The following C3orf70 variants were observed in gnomAD, a reference collection of about 807,000 sequenced individuals.
C3orf70 encodes the protein UPF0524 protein C3orf70.
C3orf70 carries 15 observed loss-of-function variants against 20.7 expected under a neutral mutation model. The observed-to-expected ratio is 0.72, with a 90% CI of 0.48 to 1.11. The LOEUF (loss-of-function observed/expected upper bound fraction) is 1.11. C3orf70 is among the 50% of genes most tolerant of loss of function. The pLI is 0.00. For missense variants in C3orf70, 332 were observed against 317.6 expected (o/e 1.05, Z -0.34); for synonymous variants, 161 against 125.7 (o/e 1.28, Z -1.88).
At chr3:185,145,614 C>T (rs1716858374) in intron 1 of C3orf70, among the ~76,000 whole-genome samples, 1 of 152,170 alleles carries the variant, frequency 6.6e-6, no homozygotes, top group African/African-American at 2.4e-5. Flanking sequence ...TGAAATCATC[C>T]TCACTATACC....
chr3:185,131,203 C>G (rs1391833928), intron 1 of C3orf70, among the ~76,000 whole-genome samples: 2 of 152,152 alleles, frequency 1.3e-5, no homozygotes, highest in African/African-American at 4.8e-5. Flanking sequence ...TTAAATGGTG[C>G]AGTCTAAAAA....
chr3:185,146,134 T>G (rs1253837728), intron 1 of C3orf70, among the ~76,000 whole-genome samples: 2 of 151,852 alleles, frequency 1.3e-5, no homozygotes, highest in African/African-American at 4.8e-5. Flanking sequence ...ACCTATCAGC[T>G]TTCTCTATCT....
At chr3:185,130,221 C>T (rs553274623) in intron 1 of C3orf70, among the ~76,000 whole-genome samples, 11 of 152,196 alleles carry the variant, frequency 7.2e-5, no homozygotes, top group African/African-American at 1.9e-4. Context: ...GAGGCCGAGG[C>T]GGGCGGATCA....
At chr3:185,135,750 G>C (rs901583324) in intron 1 of C3orf70, among the ~76,000 whole-genome samples, 1 of 151,974 alleles carries the variant, frequency 6.6e-6, no homozygotes, top group African/African-American at 2.4e-5. Context: ...AATATCACAT[G>C]TATCCCATAA....
Position 185,083,408 on chromosome 3 carries a change from G to C in C3orf70, c.352C>G (p.Pro118Ala), listed in dbSNP as rs763103808. 1 of 1,614,130 alleles carries C rather than the reference G, an allele frequency of 6.2e-7. No individual in the cohort carries two copies. The highest frequency in any genetic ancestry group is 2.2e-5 in the East Asian group (1 of 44,880). ...ATCATACAGTACCTCGGTGAGTCAG[G>C]GGGAAGGGGAGGCTGGAAGACAGAT... ...FASVFQPPLP[P>A]DSPRYCMISD... Residue 118 changes from proline (P) to alanine (A), a missense_variant, in exon 2 of 2, where the codon CCT (proline) becomes GCT (alanine). Transcript: ENST00000335012.
intron 1 of C3orf70, among the ~76,000 whole-genome samples, chr3:185,119,058 G>A (rs1388936028): frequency 6.6e-6 from 1 of 152,052 alleles, no homozygotes; most frequent in Non-Finnish European, 1.5e-5. Context: ...TCAGAGTTTT[G>A]AAACATTTAA....
At chr3:185,097,785 G>A (rs1187445452) in intron 1 of C3orf70, among the ~76,000 whole-genome samples, 1 of 152,216 alleles carries the variant, frequency 6.6e-6, no homozygotes, top group East Asian at 1.9e-4. Flanking sequence ...GAAAAGAAAT[G>A]CTGATTCACA....
At chr3:185,124,961 A>G (rs1355575125) in intron 1 of C3orf70, among the ~76,000 whole-genome samples, 6 of 152,218 alleles carry the variant, frequency 3.9e-5, no homozygotes, top group Non-Finnish European at 7.3e-5. Flanking sequence ...ATGAAATACT[A>G]TAACACATAT....
rs1183178392 is a variant in C3orf70, at chr3:185,077,772, A to G, written c.*5235T>C. On this transcript the variant is annotated 3_prime_UTR_variant, in exon 2 of 2. Coordinates refer to ENST00000335012, the MANE Select transcript of C3orf70 (RefSeq NM_001025266.3). ...AAGGCTGTAACTGCGTGTGAAATAA[A>G]TGCTATTTGGTGGTGGTGGGGGGGG... Among the ~76,000 whole-genome samples, 2 of 122,662 alleles carry G rather than the reference A, an allele frequency of 1.6e-5. No individual in the cohort carries two copies. Among genetic ancestry groups the G allele is most frequent in the Non-Finnish European group, 1.6e-5 (1 of 61,428 alleles). 80.5% of individuals were successfully genotyped at this position (122,662 alleles called of 152,430 possible). A position where few individuals can be genotyped will look rare whatever the true frequency, so the allele number is the denominator to read the frequency against.
intron 1 of C3orf70, among the ~76,000 whole-genome samples, chr3:185,114,271 TTGTTA>T (rs1016868527): frequency 6.6e-6 from 1 of 152,150 alleles, no homozygotes; most frequent in African/African-American, 2.4e-5. Context: ...TAACTTTGTT[TTGTTA>T]TATGTTGAGA....
At chr3:185,100,883 T>C (rs1715807853) in intron 1 of C3orf70, among the ~76,000 whole-genome samples, 1 of 151,730 alleles carries the variant, frequency 6.6e-6, no homozygotes, top group African/African-American at 2.4e-5. Context: ...GAAATACAAA[T>C]AACCATCAGA....
At chr3:185,125,596 C>T (rs928270172) in intron 1 of C3orf70, among the ~76,000 whole-genome samples, 1 of 152,106 alleles carries the variant, frequency 6.6e-6, no homozygotes, top group Non-Finnish European at 1.5e-5. Flanking sequence ...TAGAAACAAT[C>T]CAAATATCCA....
chr3:185,133,649 G>A lies in C3orf70; in HGVS notation c.196+18979C>T, dbSNP rs1008195186. 1.1e-4 allele frequency among the ~76,000 whole-genome samples: 16 copies of A among 152,164 alleles called. 1 individual carries two copies. The highest frequency in any genetic ancestry group is 3.9e-4 in the African/African-American group (16 of 41,418). ...ATAGCTACTTGGGAGGCTGAGAGAG[G>A]AGAATCCCTTGAACCCTGGGGTAGA... On this transcript the variant is annotated intron_variant, in intron 1 of 1. Transcript: ENST00000335012.
At chr3:185,145,317 A>G (rs1404630601) in intron 1 of C3orf70, among the ~76,000 whole-genome samples, 2 of 152,260 alleles carry the variant, frequency 1.3e-5, no homozygotes, top group East Asian at 1.9e-4. Context: ...GGAAGCCAGT[A>G]ATAATTAATG....
chr3:185,091,959 A>T (rs1715597750), intron 1 of C3orf70, among the ~76,000 whole-genome samples: 2 of 7,040 alleles, frequency 2.8e-4, no homozygotes, highest in African/African-American at 1.4e-3. Context: ...ATATATATAT[A>T]TATATTTTTT....
intron 1 of C3orf70, among the ~76,000 whole-genome samples, chr3:185,104,843 A>C (rs1160173692): frequency 1.3e-5 from 2 of 152,164 alleles, no homozygotes; most frequent in East Asian, 3.9e-4. Flanking sequence ...GAGGGAAAGG[A>C]TCATGAAAAA....
intron 1 of C3orf70, among the ~76,000 whole-genome samples, chr3:185,132,641 G>A (rs1013436305): frequency 6.6e-6 from 1 of 152,088 alleles, no homozygotes; most frequent in Non-Finnish European, 1.5e-5. Flanking sequence ...AAGTGAAAAC[G>A]TATAATACAT....
intron 1 of C3orf70, among the ~76,000 whole-genome samples, chr3:185,091,963 ATT>A (rs146504613): frequency 0.011 from 168 of 15,650 alleles, 2 homozygotes; most frequent in Admixed American, 0.019. Context: ...ATATATATAT[ATT>A]TTTTTTTTTT....
intron 1 of C3orf70, among the ~76,000 whole-genome samples, chr3:185,116,864 C>T (rs900219736): frequency 3.9e-5 from 6 of 151,942 alleles, no homozygotes; most frequent in East Asian, 3.9e-4. Context: ...CTGCAAGCTC[C>T]GCCTTAGGGG....
Sources: gnomAD v4.1 joint callset for allele counts (sites outside exome capture counted in the v4.1 genomes callset) on GRCh38, gnomAD v4.1.1 for gene constraint, MANE v1.5 for transcripts, NCBI Gene and HGNC (gene_info 2026-07-23, HGNC 2026-07-21) for gene names.